RREB1: variants seen among roughly 807,000 people sequenced by gnomAD.
The protein encoded by RREB1 is ras responsive element binding protein 1.
RREB1 carries 27 observed loss-of-function variants against 117.8 expected under a neutral mutation model. That is an observed-to-expected ratio of 0.23 (90% CI 0.17 to 0.32). The LOEUF is 0.32. Among genes scored for constraint, RREB1 ranks in the 10% least tolerant of loss-of-function variants. The probability of loss-of-function intolerance (pLI) is 1.00; values close to 1 mark genes in which losing one functional copy is unlikely to be tolerated. For synonymous variants in RREB1, 1,298 were observed against 1,026.7 expected (o/e 1.26, Z -5.05); for missense variants, 2,577 against 2,378.2 (o/e 1.08, Z -1.74).
chr6:7,113,348 C>T (rs554432421), intron 1 of RREB1, among the ~76,000 whole-genome samples: 4 of 152,288 alleles, frequency 2.6e-5, no homozygotes, highest in African/African-American at 9.6e-5. Flanking sequence ...TCATCTCTTT[C>T]CCCCTTTTCA....
rs1022057385 is a variant in RREB1 at position 7,251,276 on chromosome 6, T to C, written c.*2308T>C. 6.6e-6 allele frequency: 1 copy of C among 152,166 alleles called. No individual in the cohort carries two copies. Among genetic ancestry groups the C allele is most frequent in the Non-Finnish European group, 1.5e-5 (1 of 68,052 alleles). 9.4% of individuals were successfully genotyped at this position (152,166 alleles called of 1,614,324 possible). A position where few individuals can be genotyped will look rare whatever the true frequency, so the allele number is the denominator to read the frequency against. On this transcript the variant is annotated 3_prime_UTR_variant, in exon 13 of 13. Transcript: ENST00000379938. ...TGAGGTGGAGAAACGTATTATTTGT[T>C]TGTTGTTTTTGCCCTTCCCCCACCC...
intron 12 of RREB1, among the ~76,000 whole-genome samples, chr6:7,248,113 G>A (rs1273504611): frequency 3.3e-5 from 5 of 152,210 alleles, no homozygotes; most frequent in Admixed American, 1.3e-4. Context: ...CAATGCAGAG[G>A]GTAACTGGTG....
chr6:7,189,080 G>A, intron 5 of RREB1, 79 bp from the exon 6 acceptor site: 6 of 1,372,666 alleles, frequency 4.4e-6, no homozygotes, highest in Non-Finnish European at 5.9e-6. Context: ...TTTTAATAAA[G>A]CTCTGGATCT....
chr6:7,157,641 G>A (rs1240788092), intron 1 of RREB1, among the ~76,000 whole-genome samples: 5 of 152,032 alleles, frequency 3.3e-5, no homozygotes, highest in African/African-American at 1.2e-4. Context: ...GTGTGGTGGT[G>A]CGCACCTGTG....
intron 10 of RREB1, among the ~76,000 whole-genome samples, chr6:7,232,109 G>A (rs1324184683): frequency 6.6e-6 from 1 of 152,184 alleles, no homozygotes; most frequent in Non-Finnish European, 1.5e-5. Flanking sequence ...CTTTGTGCAG[G>A]GGCCGAGCCC....
At chr6:7,127,060 A>G (rs1392750026) in intron 1 of RREB1, among the ~76,000 whole-genome samples, 1 of 152,228 alleles carries the variant, frequency 6.6e-6, no homozygotes, top group Non-Finnish European at 1.5e-5. Flanking sequence ...GAGTATGAAA[A>G]TATGAGGCTT....
At chr6:7,124,579 A>T (rs1761829371) in intron 1 of RREB1, among the ~76,000 whole-genome samples, 1 of 151,986 alleles carries the variant, frequency 6.6e-6, no homozygotes, top group Non-Finnish European at 1.5e-5. Context: ...AATAAGTTCA[A>T]CTCCCAGCAT....
Position 7,246,717 on chromosome 6 carries a change from A to C in RREB1, c.4267A>C (p.Lys1423Gln), listed in dbSNP as rs1197692031. 1 of 1,584,012 alleles carries C rather than the reference A, an allele frequency of 6.3e-7. No homozygotes were observed. Among genetic ancestry groups the C allele is most frequent in the Non-Finnish European group, 8.6e-7 (1 of 1,165,666 alleles). The change falls in exon 12 of 13, where the codon AAG becomes CAG. Residue 1423 changes from lysine to glutamine, a missense_variant. Lys to Gln is a moderately conservative substitution (Grantham distance 53, BLOSUM62 1). Transcript: ENST00000379938. ...NQSLDLDFAT[K>Q]LMDFKLAEGD... ...GAGCCTGGACCTGGACTTCGCCACC[A>C]AGCTCATGGACTTCAAGCTGGCGGA...
intron 1 of RREB1, among the ~76,000 whole-genome samples, chr6:7,158,258 C>T (rs1763478154): frequency 1.3e-5 from 2 of 152,198 alleles, no homozygotes; most frequent in African/African-American, 4.8e-5. Flanking sequence ...TCTACCCCAC[C>T]TGCCTCCCCT....
At chr6:7,164,739 C>A (rs527660461) in intron 1 of RREB1, among the ~76,000 whole-genome samples, 1 of 152,284 alleles carries the variant, frequency 6.6e-6, no homozygotes, top group African/African-American at 2.4e-5. Context: ...CTAGACATCC[C>A]CACAGAGTCA....
chr6:7,230,878 C>A lies in RREB1; in HGVS notation c.2779C>A (p.Pro927Thr), dbSNP rs761416836. Residue 927 changes from proline (P) to threonine (T), a missense_variant, in exon 10 of 13, where the codon CCC becomes ACC. By Grantham distance (38) the Pro-to-Thr change is conservative. Coordinates refer to ENST00000379938, the MANE Select transcript of RREB1 (RefSeq NM_001003699.4). Reference protein sequence around the residue: ...ISFLSPSSLVPYDCSMEPIDL... With the variant: ...ISFLSPSSLVTYDCSMEPIDL... ...CTTTCTGAGCCCTTCTTCCCTGGTC[C>A]CCTATGACTGCTCCATGGAGCCCAT... The A allele has an allele frequency of 6.2e-7, 1 of 1,614,098 alleles. No homozygotes were observed. Among genetic ancestry groups the A allele is most frequent in the African/African-American group, 1.3e-5 (1 of 74,944 alleles).
chr6:7,172,929 A>T (rs1764295915), intron 1 of RREB1, among the ~76,000 whole-genome samples: 1 of 152,044 alleles, frequency 6.6e-6, no homozygotes, highest in Non-Finnish European at 1.5e-5. Context: ...CCTAGCCAAG[A>T]CTCAGCCCAT....
At chr6:7,228,907 T>C in intron 9 of RREB1, 90 bp from the exon 10 acceptor site, 1 of 1,220,494 alleles carries the variant, frequency 8.2e-7, no homozygotes, top group Non-Finnish European at 1.1e-6. Flanking sequence ...GGGATAAATG[T>C]ACAACAAATA....
chr6:7,211,703 C>A lies in RREB1; in HGVS notation c.701C>A (p.Pro234Gln). 6.2e-7 allele frequency: 1 copy of A among 1,614,112 alleles called. No individual in the cohort carries two copies. Among genetic ancestry groups the A allele is most frequent in the Non-Finnish European group, 8.5e-7 (1 of 1,179,958 alleles). The change falls in exon 8 of 13, where the codon CCA (proline) becomes CAA (glutamine). Residue 234 changes from proline to glutamine, a missense_variant. Transcript: ENST00000379938. ...ETHMETHSDN[P>Q]LRCDICCVTF... ...CACATGGAGACCCATTCAGATAACC[C>A]ACTAAGGTAGGAGAAAGAGTGAACT...
rs1767848217 is a variant in RREB1, at chr6:7,230,307, T to C, written c.2208T>C (p.Tyr736=). 4.4e-6 allele frequency: 7 copies of C among 1,592,206 alleles called. No homozygotes were observed. The highest frequency in any genetic ancestry group is 5.1e-6 in the Non-Finnish European group (6 of 1,174,622). The change falls in exon 10 of 13, where the codon TAT becomes TAC. Residue 736 remains tyrosine (Y), a synonymous_variant. Coordinates refer to ENST00000379938, the MANE Select transcript of RREB1 (RefSeq NM_001003699.4). The part of the protein sequence containing the change: ...TRKDIEKNIE[Y]VSSSAAELVD... The stretch of plus-strand genomic sequence containing the variant: ...AGGATATCGAGAAGAACATCGAGTA[T>C]GTGAGTAGCAGCGCGGCCGAGCTGG...
chr6:7,226,427 C>G (rs1247548662), intron 8 of RREB1, 40 bp from the exon 9 acceptor site: 2 of 1,502,918 alleles, frequency 1.3e-6, no homozygotes. Context: ...CTCATATGCT[C>G]TCCCTTTCTG....
At chr6:7,154,792 C>T (rs559488731) in intron 1 of RREB1, among the ~76,000 whole-genome samples, 9 of 152,082 alleles carry the variant, frequency 5.9e-5, no homozygotes, top group African/African-American at 1.2e-4. Flanking sequence ...GGTTACCCAC[C>T]GGGCCTTAAG....
chr6:7,138,489 C>T (rs894952209), intron 1 of RREB1, among the ~76,000 whole-genome samples: 2 of 152,190 alleles, frequency 1.3e-5, no homozygotes, highest in Non-Finnish European at 2.9e-5. Context: ...TTGAGCTACC[C>T]CAAATGATTA....
chr6:7,169,023 G>A (rs1234340108), intron 1 of RREB1, among the ~76,000 whole-genome samples: 1 of 152,240 alleles, frequency 6.6e-6, no homozygotes, highest in Non-Finnish European at 1.5e-5. Context: ...TCAGGGAAGT[G>A]GGTGCTCTGG....
Sources: allele counts gnomAD v4.1 joint callset (sites outside exome capture counted in the v4.1 genomes callset), GRCh38; gene constraint gnomAD v4.1.1; transcripts MANE v1.5; gene names NCBI Gene and HGNC (gene_info 2026-07-23, HGNC 2026-07-21).